CFAP74: variants seen among roughly 807,000 people sequenced by gnomAD.
CFAP74 encodes the protein cilia- and flagella-associated protein 74.
In CFAP74, 124 loss-of-function variants were observed where a neutral mutation model predicts 188.9. The ratio of observed to expected loss-of-function variants is 0.66; its 90% CI spans 0.57 to 0.76. The LOEUF (loss-of-function observed/expected upper bound fraction) is 0.76. CFAP74 is among the 30% of genes least tolerant of loss of function. CFAP74 has a pLI of 0.00. For synonymous variants in CFAP74, 956 were observed against 916.7 expected, an observed-to-expected ratio of 1.04 and a Z score of -0.77; for missense variants, 2,198 against 2,165.2, an observed-to-expected ratio of 1.02 and a Z score of -0.30.
chr1:1,927,600 G>T lies in CFAP74; in HGVS notation c.3527+7C>A. The T allele has an allele frequency of 6.5e-7, 1 of 1,548,406 alleles. No individual in the cohort carries two copies. The highest frequency in any genetic ancestry group is 8.7e-7 in the Non-Finnish European group (1 of 1,146,048). ...GAAGCAGGTGGGGCAGCCCCTCCTGGACCCACCTGGGCCTCAGCTCCCGCT... is the reference window on the plus strand; with the variant it reads ...GAAGCAGGTGGGGCAGCCCCTCCTGTACCCACCTGGGCCTCAGCTCCCGCT... On this transcript the variant is annotated splice_region_variant and intron_variant, in intron 28 of 38. Transcript: ENST00000682832.
Position 1,925,795 on chromosome 1 carries a change from G to C in CFAP74, c.4092C>G (p.Ser1364=). ...ACGTGTGCTTCACCTTGAAGCCTGAGGACACAGACTCTCCGGCAATCACAT... is the reference window on the plus strand; with the variant it reads ...ACGTGTGCTTCACCTTGAAGCCTGACGACACAGACTCTCCGGCAATCACAT... ...MGYVIAGESV[S]SGFKLQNNSL... is the part of the protein sequence containing the mutation. The change falls in exon 33 of 39, where the codon TCC becomes TCG. Residue 1364 remains serine, a synonymous_variant. Transcript: ENST00000682832. 1 of 1,612,298 alleles carries C rather than the reference G, an allele frequency of 6.2e-7. No homozygotes were observed.
At chr1:1,985,965 G>A (rs1437881621) in intron 5 of CFAP74, among the ~76,000 whole-genome samples, 1 of 152,268 alleles carries the variant, frequency 6.6e-6, no homozygotes, top group Non-Finnish European at 1.5e-5. Context: ...CACGAGAGCG[G>A]CACAGTGTGA....
In CFAP74 at chr1:1,987,282, C is replaced by T. The variant is rs370729693; in HGVS notation, c.297-247G>A. Among the ~76,000 whole-genome samples, 59 of 152,190 alleles carry T rather than the reference C, an allele frequency of 3.9e-4. 1 individual carries two copies. The highest frequency in any genetic ancestry group is 1.3e-3 in the African/African-American group (55 of 41,442). ...GTGACATGCTCCCCAGGGCCGAGGA[C>T]GGTGCAGGAGCGGGAGGGAACCTGG... On this transcript the variant is annotated intron_variant, in intron 4 of 38. Transcript: ENST00000682832.
At chr1:1,931,432 T>TAAA (rs34892654) in intron 25 of CFAP74, among the ~76,000 whole-genome samples, 62 of 75,362 alleles carry the variant, frequency 8.2e-4, no homozygotes, top group Admixed American at 1.8e-3. Context: ...CCCATCTCAA[T>TAAA]AAAAAAAAAA....
intron 18 of CFAP74, 40 bp downstream of exon 18, chr1:1,955,651 C>A (rs1420664821): frequency 2.5e-6 from 4 of 1,603,980 alleles, no homozygotes; most frequent in Non-Finnish European, 3.4e-6. Flanking sequence ...GAGGCCCTCA[C>A]CGCCCGCCCA....
At chr1:1,955,284 GCAGGGCC>G in intron 18 of CFAP74, 2 of 1,295,302 alleles carry the variant, frequency 1.5e-6, no homozygotes, top group Non-Finnish European at 2.0e-6. Context: ...CATGGGGAGG[GCAGGGCC>G]CGCCCGTTTC....
chr1:1,964,548 G>A (rs1441723536), intron 13 of CFAP74, among the ~76,000 whole-genome samples: 2 of 152,258 alleles, frequency 1.3e-5, no homozygotes, highest in African/African-American at 4.8e-5. Context: ...CCAGCACTTT[G>A]GGAGGCTGAG....
At position 1,927,760 on chromosome 1, in the gene CFAP74, G is replaced by A. The variant is rs758341064; in HGVS notation, c.3388-14C>T. On this transcript the variant is annotated splice_polypyrimidine_tract_variant and intron_variant, in intron 27 of 38. Coordinates refer to ENST00000682832, the MANE Select transcript of CFAP74 (RefSeq NM_001304360.2). ...ATTCTTTCGGAACTGTGGGGGGAGC[G>A]ACTGGCTGTGGGGCTGTGCAGGGCC... The A allele has an allele frequency of 3.3e-5, 51 of 1,548,022 alleles. 1 individual carries two copies. In the Admixed American group the frequency reaches 3.7e-4, roughly 11 times the overall value.
chr1:2,000,648 T>C (rs1266279545), intron 1 of CFAP74, among the ~76,000 whole-genome samples: 1 of 152,204 alleles, frequency 6.6e-6, no homozygotes, highest in South Asian at 2.1e-4. Flanking sequence ...CTTCTGCTAG[T>C]TCTGTGGCTT....
At chr1:1,940,694 T>C (rs887744598) in intron 22 of CFAP74, among the ~76,000 whole-genome samples, 2 of 152,214 alleles carry the variant, frequency 1.3e-5, no homozygotes, top group Non-Finnish European at 2.9e-5. Context: ...ATAAATTCAA[T>C]AGCCATGTTT....
At chr1:1,998,960 ATGT>A (rs1193372981) in intron 1 of CFAP74, among the ~76,000 whole-genome samples, 1 of 152,194 alleles carries the variant, frequency 6.6e-6, no homozygotes, top group Non-Finnish European at 1.5e-5. Context: ...TACAAACTCA[ATGT>A]TGTCAGGAAG....
chr1:1,968,673 A>G lies in CFAP74; in HGVS notation c.1207T>C (p.Cys403Arg), dbSNP rs1027482860. 5 of 1,603,702 alleles carry G rather than the reference A, an allele frequency of 3.1e-6. No individual in the cohort carries two copies. The highest frequency in any genetic ancestry group is 4.3e-6 in the Non-Finnish European group (5 of 1,172,002). The change falls in exon 11 of 39, where the codon TGC becomes CGC. Residue 403 changes from cysteine to arginine, a missense_variant. Transcript: ENST00000682832. The surrounding 1 kb of genome is among the most constrained non-coding windows in gnomAD (Gnocchi z 4.3). Reference protein sequence around the residue: ...DKTWNYISDFCKKTTVPTNTY... With the variant: ...DKTWNYISDFRKKTTVPTNTY... ...TTGGTTGGGACTGTGGTCTTCTTGC[A>G]AAAGTCAGAAATGTAGTTCCAGGTC...
chr1:1,944,663 A>G (rs932994798), intron 20 of CFAP74, among the ~76,000 whole-genome samples: 8 of 152,276 alleles, frequency 5.3e-5, no homozygotes, highest in South Asian at 4.1e-4. Flanking sequence ...CTGGAGTGCA[A>G]TGGTGCGATC....
chr1:1,938,311 A>G (rs911613669), intron 25 of CFAP74, among the ~76,000 whole-genome samples: 4 of 142,950 alleles, frequency 2.8e-5, no homozygotes, highest in African/African-American at 5.2e-5. Context: ...ACACCCACAT[A>G]CATGCACTCA....
chr1:1,922,968 G>C lies in CFAP74; in HGVS notation c.4683+17C>G. 6.4e-7 allele frequency: 1 copy of C among 1,562,838 alleles called. No homozygotes were observed. The highest frequency in any genetic ancestry group is 8.6e-7 in the Non-Finnish European group (1 of 1,157,166). ...GAGGGGGCTGCCTGGTGTCCCCAGGGGCAGTGCTGTGGGCACCTTCTTTGG... is the reference window on the plus strand; with the variant it reads ...GAGGGGGCTGCCTGGTGTCCCCAGGCGCAGTGCTGTGGGCACCTTCTTTGG... On this transcript the variant is annotated intron_variant, in intron 37 of 38. Transcript: ENST00000682832.
At chr1:1,983,003 G>T (rs746504099) in intron 6 of CFAP74, among the ~76,000 whole-genome samples, 1 of 152,236 alleles carries the variant, frequency 6.6e-6, no homozygotes, top group Non-Finnish European at 1.5e-5. Flanking sequence ...CCCACAGAGC[G>T]GCAGACACGA....
chr1:1,923,829 G>A lies in CFAP74; in HGVS notation c.4335C>T (p.Pro1445=), dbSNP rs544835701. The change falls in exon 35 of 39, where the codon CCC becomes CCT. Residue 1445 remains proline, a synonymous_variant. Coordinates refer to ENST00000682832, the MANE Select transcript of CFAP74 (RefSeq NM_001304360.2). The surrounding 1 kb of genome is among the most constrained non-coding windows in gnomAD (Gnocchi z 6.3). ...CGGAGAAGTAGAGGCTTTCGTGGTC[G>A]GGGCTGAAGGTGACAGTGAAGTCTT... ...KTQDFTVTFS[P]DHESLYFSDK... 1.5e-5 allele frequency: 25 copies of A among 1,613,428 alleles called. No homozygotes were observed. Among genetic ancestry groups the A allele is most frequent in the South Asian group, 4.4e-5 (4 of 91,086 alleles).
chr1:1,928,965 G>A, intron 26 of CFAP74, 83 bp from the exon 27 acceptor site: 1 of 876,878 alleles, frequency 1.1e-6, no homozygotes, highest in South Asian at 1.6e-5. Context: ...ACCGTCCTCT[G>A]CCCGTGGACT....
intron 1 of CFAP74, among the ~76,000 whole-genome samples, chr1:1,998,512 CGTATTATCAT>C (rs1410712113): frequency 6.6e-6 from 1 of 152,116 alleles, no homozygotes; most frequent in Non-Finnish European, 1.5e-5. Flanking sequence ...CCTGGGGCTT[CGTATTATCAT>C]TCTCTTTACT....
Sources: gnomAD v4.1 joint callset for allele counts (sites outside exome capture counted in the v4.1 genomes callset) on GRCh38, gnomAD v4.1.1 for gene constraint, Gnocchi (gnomAD v3.1) non-coding constraint, MANE v1.5 for transcripts, NCBI Gene and HGNC (gene_info 2026-07-23, HGNC 2026-07-21) for gene names.